EFEMP1: variants seen among roughly 807,000 people sequenced by gnomAD.
EFEMP1 encodes EGF-containing fibulin-like extracellular matrix protein 1.
EFEMP1 carries 18 observed loss-of-function variants against 65.7 expected under a neutral mutation model. The observed-to-expected ratio is 0.27, with a 90% CI of 0.19 to 0.41. The LOEUF (loss-of-function observed/expected upper bound fraction) is 0.41. Among genes scored for constraint, EFEMP1 ranks in the 10% least tolerant of loss-of-function variants. The pLI, the probability that EFEMP1 is intolerant of heterozygous loss-of-function variation, is 1.00. For synonymous variants in EFEMP1, 237 were observed against 219.7 expected (o/e 1.08, Z -0.70); for missense variants, 469 against 624.8 (o/e 0.75, Z 2.66).
chr2:55,896,971 C>T (rs1352270950), intron 5 of EFEMP1, among the ~76,000 whole-genome samples: 1 of 152,216 alleles, frequency 6.6e-6, no homozygotes, highest in African/African-American at 2.4e-5. Context: ...CTTTTCCCAT[C>T]TTCTCATGAC....
intron 9 of EFEMP1, among the ~76,000 whole-genome samples, chr2:55,872,500 C>T (rs138348177): frequency 3.3e-5 from 5 of 152,220 alleles, no homozygotes; most frequent in African/African-American, 1.2e-4. Flanking sequence ...TTAAATTGAA[C>T]TAAGTTGCTC....
At chr2:55,916,907 A>T (rs1023599884) in intron 5 of EFEMP1, among the ~76,000 whole-genome samples, 5 of 152,252 alleles carry the variant, frequency 3.3e-5, no homozygotes, top group Admixed American at 2.6e-4. Context: ...CTGTTTCTAG[A>T]ATACACAGTG....
Position 55,917,564 on chromosome 2 carries a change from T to A in EFEMP1, c.517+101A>T. On this transcript the variant is annotated intron_variant, in intron 5 of 11. Coordinates refer to ENST00000355426, the MANE Select transcript of EFEMP1 (RefSeq NM_001039348.3). This position sits in a 1 kb window ranked among gnomAD's most constrained non-coding sequence, Gnocchi z 6.3. ...AATGCAGACAAAGCACTTAGCATGA[T>A]GTCTGGCACGCGAGAAGTCCTTAAT... 1 of 1,446,750 alleles carries A rather than the reference T, an allele frequency of 6.9e-7. No homozygotes were observed. The highest frequency in any genetic ancestry group is 9.7e-7 in the Non-Finnish European group (1 of 1,028,378). The allele number at this position is 1,446,750 out of a possible 1,614,324, so 89.6% of individuals were successfully genotyped here.
chr2:55,911,711 A>C (rs1437014342), intron 5 of EFEMP1, among the ~76,000 whole-genome samples: 1 of 152,026 alleles, frequency 6.6e-6, no homozygotes, highest in African/African-American at 2.4e-5. Flanking sequence ...AGACCCACTG[A>C]ATTAGGGAGG....
rs1668750481 is a variant in EFEMP1 at position 55,870,244 on chromosome 2, C to T, written c.1320+476G>A. The stretch of plus-strand genomic sequence containing the variant: ...CTTGTGAATGTAACAATGATGAATT[C>T]ATGATGTCTGAAAAACTCTTTAGGA... On this transcript the variant is annotated intron_variant, in intron 11 of 11. Coordinates refer to ENST00000355426, the MANE Select transcript of EFEMP1 (RefSeq NM_001039348.3). This position sits in a 1 kb window ranked among gnomAD's most constrained non-coding sequence, Gnocchi z 5.8. Among the ~76,000 whole-genome samples the T allele has an allele frequency of 1.3e-5, 2 of 151,682 alleles. No individual in the cohort carries two copies. The highest frequency in any genetic ancestry group is 3.9e-4 in the East Asian group (2 of 5,158).
At chr2:55,884,922 T>C (rs1669372109) in intron 5 of EFEMP1, among the ~76,000 whole-genome samples, 1 of 152,156 alleles carries the variant, frequency 6.6e-6, no homozygotes, top group Non-Finnish European at 1.5e-5. Context: ...TCAATAAATA[T>C]TTGTGCAATA....
At chr2:55,895,279 A>G (rs1194557539) in intron 5 of EFEMP1, among the ~76,000 whole-genome samples, 5 of 152,238 alleles carry the variant, frequency 3.3e-5, no homozygotes. Flanking sequence ...TCACTGCCAC[A>G]TAACAGATGG....
chr2:55,876,476 A>G (rs764250757), intron 8 of EFEMP1, 147 bp downstream of exon 8: 11 of 1,107,334 alleles, frequency 9.9e-6, no homozygotes, highest in Non-Finnish European at 1.3e-5. Flanking sequence ...TAAAAAGGCA[A>G]TGTAACAACT....
At chr2:55,909,745 G>C (rs1420429887) in intron 5 of EFEMP1, among the ~76,000 whole-genome samples, 1 of 152,120 alleles carries the variant, frequency 6.6e-6, no homozygotes, top group South Asian at 2.1e-4. Flanking sequence ...TCACATACTA[G>C]TTTTACATCT....
intron 5 of EFEMP1, among the ~76,000 whole-genome samples, chr2:55,904,979 CTTTTTCTT>C (rs1670192650): frequency 8.5e-5 from 2 of 23,404 alleles, no homozygotes; most frequent in African/African-American, 8.7e-4. Context: ...TTTTTTTTTT[CTTTTTCTT>C]TTTTTTTTTT....
chr2:55,917,590 A>G lies in EFEMP1; in HGVS notation c.517+75T>C. On this transcript the variant is annotated intron_variant, in intron 5 of 11. Transcript: ENST00000355426. This position sits in a 1 kb window ranked among gnomAD's most constrained non-coding sequence, Gnocchi z 6.3. ...GTCTGGCACGCGAGAAGTCCTTAAT[A>G]AATTATCATCATCCTCACCACGAGG... 2 of 1,595,418 alleles carry G rather than the reference A, an allele frequency of 1.3e-6. No individual in the cohort carries two copies. Among genetic ancestry groups the G allele is most frequent in the Non-Finnish European group, 1.7e-6 (2 of 1,163,528 alleles).
At chr2:55,913,664 C>A (rs1488029859) in intron 5 of EFEMP1, among the ~76,000 whole-genome samples, 1 of 151,092 alleles carries the variant, frequency 6.6e-6, no homozygotes, top group East Asian at 1.9e-4. Context: ...TTAAAAAATC[C>A]TTTCTCAACT....
chr2:55,901,421 G>A (rs1055789411), intron 5 of EFEMP1, among the ~76,000 whole-genome samples: 6 of 152,098 alleles, frequency 3.9e-5, no homozygotes, highest in African/African-American at 1.4e-4. Flanking sequence ...TTTTTGAGGA[G>A]GATTGATAGC....
intron 6 of EFEMP1, among the ~76,000 whole-genome samples, chr2:55,880,398 TCC>T (rs2104389804): frequency 1.3e-5 from 2 of 152,354 alleles, no homozygotes; most frequent in South Asian, 4.1e-4. Flanking sequence ...ATATTTATTT[TCC>T]TGTCTAATAC....
At position 55,880,204 on chromosome 2, in the gene EFEMP1, C is replaced by T. The variant is rs373872215; in HGVS notation, c.640+1408G>A. On this transcript the variant is annotated intron_variant, in intron 6 of 11. Coordinates refer to ENST00000355426, the MANE Select transcript of EFEMP1 (RefSeq NM_001039348.3). ...TTGAGCAAGACCTTTCATGCTCTGT[C>T]GAGGAATGTAGACTTGATTCTCTCA... is the stretch of plus-strand genomic sequence containing the variant. Among the ~76,000 whole-genome samples the T allele has an allele frequency of 1.3e-4, 20 of 152,058 alleles. No individual in the cohort carries two copies. The East Asian group carries it at 1.5e-3, about 12-fold the overall frequency.
At chr2:55,896,270 A>C (rs943123948) in intron 5 of EFEMP1, among the ~76,000 whole-genome samples, 1 of 152,244 alleles carries the variant, frequency 6.6e-6, no homozygotes, top group African/African-American at 2.4e-5. Context: ...TGTTGTGACA[A>C]AAAACGTGAA....
Position 55,922,919 on chromosome 2 carries a change from T to G in EFEMP1, c.-28A>C. The G allele has an allele frequency of 7.6e-6, 8 of 1,056,844 alleles. No homozygotes were observed. The highest frequency in any genetic ancestry group is 9.2e-6 in the Non-Finnish European group (8 of 872,706). 65.5% of individuals were successfully genotyped at this position (1,056,844 alleles called of 1,614,324 possible). ...CTCACCTTGAGCTAGCAGAGTTCCT[T>G]GCACAGCACAGCAAAAATACCTGTG... On this transcript the variant is annotated 5_prime_UTR_variant, in exon 2 of 12. Transcript: ENST00000355426. This position sits in a 1 kb window ranked among gnomAD's most constrained non-coding sequence, Gnocchi z 5.5.
rs187511946 is a variant in EFEMP1, at chr2:55,870,187, T to C, written c.1320+533A>G. Among the ~76,000 whole-genome samples the C allele has an allele frequency of 3.3e-5, 5 of 152,238 alleles. No homozygotes were observed. The highest frequency in any genetic ancestry group is 7.2e-5 in the African/African-American group (3 of 41,550). On this transcript the variant is annotated intron_variant, in intron 11 of 11. Coordinates refer to ENST00000355426, the MANE Select transcript of EFEMP1 (RefSeq NM_001039348.3). The surrounding 1 kb of genome is among the most constrained non-coding windows in gnomAD (Gnocchi z 5.8). ...GGTGGGGTCACTTCTCACATACTTA[T>C]AGGTTTTAGTTTCGGTGTGAACACA... is the stretch of plus-strand genomic sequence containing the variant.
chr2:55,906,614 A>C (rs915066065), intron 5 of EFEMP1, among the ~76,000 whole-genome samples: 3 of 151,076 alleles, frequency 2.0e-5, no homozygotes, highest in Non-Finnish European at 3.0e-5. Context: ...CCAGGACATG[A>C]ACTGTTTTAA....
Sources: allele counts gnomAD v4.1 joint callset (sites outside exome capture counted in the v4.1 genomes callset), GRCh38; gene constraint gnomAD v4.1.1; non-coding constraint Gnocchi (gnomAD v3.1); transcripts MANE v1.5; gene names NCBI Gene and HGNC (gene_info 2026-07-23, HGNC 2026-07-21).